CRACR2A: variants seen among roughly 807,000 people sequenced by gnomAD.
CRACR2A encodes the protein calcium release activated channel regulator 2A, also known as EF-hand calcium-binding domain-containing protein 4B.
A neutral mutation model predicts 90.5 loss-of-function variants in CRACR2A; 79 were observed. The ratio of observed to expected loss-of-function variants is 0.87; its 90% CI spans 0.73 to 1.05. The LOEUF (loss-of-function observed/expected upper bound fraction) is 1.05. CRACR2A is among the 50% of genes least tolerant of loss of function. CRACR2A has a pLI of 0.00. For missense variants in CRACR2A, 823 were observed against 897.2 expected, an observed-to-expected ratio of 0.92 and a Z score of 1.06; for synonymous variants, 338 against 356.7, an observed-to-expected ratio of 0.95 and a Z score of 0.59.
chr12:3,648,537 C>T lies in CRACR2A; in HGVS notation c.1118+5G>A, dbSNP rs370367338. 270 of 1,614,098 alleles carry T rather than the reference C, an allele frequency of 1.7e-4. No individual in the cohort carries two copies. The highest frequency in any genetic ancestry group is 2.1e-4 in the Non-Finnish European group (253 of 1,180,044). The stretch of plus-strand genomic sequence containing the variant: ...CTCAGCACAGGCCAGTGCCCACCGA[C>T]GCACCTTAGGAAATCCAGCTGCTTG... On this transcript the variant is annotated splice_donor_5th_base_variant and intron_variant, in intron 11 of 19. Coordinates refer to ENST00000440314, the MANE Select transcript of CRACR2A (RefSeq NM_001144958.2).
chr12:3,666,369 GTGCGCGCGCA>G (rs1565481722), intron 7 of CRACR2A, among the ~76,000 whole-genome samples: 2 of 151,704 alleles, frequency 1.3e-5, no homozygotes, highest in African/African-American at 4.9e-5. Flanking sequence ...GCGTGTGCGC[GTGCGCGCGCA>G]CGCGCGCACA....
intron 17 of CRACR2A, among the ~76,000 whole-genome samples, chr12:3,626,612 G>T (rs917256765): frequency 6.6e-6 from 1 of 152,130 alleles, no homozygotes; most frequent in Non-Finnish European, 1.5e-5. Flanking sequence ...GAACAAATAC[G>T]TGAACAAACC....
chr12:3,693,513 C>A (rs911900254), intron 4 of CRACR2A, among the ~76,000 whole-genome samples: 1 of 152,190 alleles, frequency 6.6e-6, no homozygotes, highest in Non-Finnish European at 1.5e-5. Flanking sequence ...TCAGTGCTAA[C>A]AAATTCCCTC....
intron 19 of CRACR2A, among the ~76,000 whole-genome samples, chr12:3,616,582 C>G (rs902424276): frequency 3.9e-5 from 6 of 152,232 alleles, no homozygotes; most frequent in African/African-American, 1.4e-4. Context: ...CTCCAGCTGG[C>G]TTCCAGCTAG....
At chr12:3,638,096 C>A in intron 14 of CRACR2A, 28 bp downstream of exon 14, 1 of 1,512,114 alleles carries the variant, frequency 6.6e-7, no homozygotes. Context: ...AAGTGATGTG[C>A]ATGAACCAAG....
Position 3,616,936 on chromosome 12 carries a change from G to A in CRACR2A, c.2111+18C>T. 1 of 1,542,312 alleles carries A rather than the reference G, an allele frequency of 6.5e-7. No individual in the cohort carries two copies. Among genetic ancestry groups the A allele is most frequent in the Non-Finnish European group, 8.8e-7 (1 of 1,138,490 alleles). ...CTGGACACAGCAGTTACTGCACCTG[G>A]GGAGCACATCTCTTTACCTGGCCAG... On this transcript the variant is annotated intron_variant, in intron 19 of 19. Coordinates refer to ENST00000440314, the MANE Select transcript of CRACR2A (RefSeq NM_001144958.2).
At chr12:3,691,946 T>C (rs772973733) in intron 4 of CRACR2A, among the ~76,000 whole-genome samples, 40 of 152,376 alleles carry the variant, frequency 2.6e-4, no homozygotes, top group Non-Finnish European at 5.4e-4. Flanking sequence ...CTGCTATTAA[T>C]ACTTGTGATT....
At chr12:3,682,938 A>T (rs1591684240) in intron 4 of CRACR2A, among the ~76,000 whole-genome samples, 1 of 151,976 alleles carries the variant, frequency 6.6e-6, no homozygotes, top group African/African-American at 2.4e-5. Flanking sequence ...GCCCACCACC[A>T]CACCCAGTTA....
chr12:3,705,815 T>C (rs147871811), intron 3 of CRACR2A, among the ~76,000 whole-genome samples: 65 of 152,352 alleles, frequency 4.3e-4, no homozygotes, highest in Middle Eastern at 6.8e-3. Flanking sequence ...ACTTATAGGA[T>C]ACACATTTGG....
At chr12:3,730,072 A>C (rs924467199) in intron 2 of CRACR2A, 5 of 152,228 alleles carry the variant, frequency 3.3e-5, no homozygotes, top group African/African-American at 1.2e-4. Flanking sequence ...CAGGGGCTGC[A>C]ATCTCAAGCA....
At chr12:3,724,749 G>A (rs1319265282) in intron 2 of CRACR2A, among the ~76,000 whole-genome samples, 1 of 152,214 alleles carries the variant, frequency 6.6e-6, no homozygotes, top group Non-Finnish European at 1.5e-5. Flanking sequence ...GGAACTGCTG[G>A]TGTTGGGGAG....
At chr12:3,665,210 A>G (rs1945109364) in intron 7 of CRACR2A, among the ~76,000 whole-genome samples, 1 of 152,246 alleles carries the variant, frequency 6.6e-6, no homozygotes, top group Admixed American at 6.5e-5. Flanking sequence ...GACCAGAGTT[A>G]GCAACAGTCA....
Position 3,648,632 on chromosome 12 carries a change from C to T in CRACR2A, c.1047-19G>A, listed in dbSNP as rs749293414. 1 of 1,604,790 alleles carries T rather than the reference C, an allele frequency of 6.2e-7. No individual in the cohort carries two copies. Among genetic ancestry groups the T allele is most frequent in the Non-Finnish European group, 8.5e-7 (1 of 1,172,988 alleles). On this transcript the variant is annotated intron_variant, in intron 10 of 19. Transcript: ENST00000440314. ...CACTTCCCTGAGGAGGAGGCAAACACATGGCAGTGAGCTCCCAGGTGGAAG... is the reference window on the plus strand; with the variant it reads ...CACTTCCCTGAGGAGGAGGCAAACATATGGCAGTGAGCTCCCAGGTGGAAG...
chr12:3,727,057 A>C (rs1946279950), intron 2 of CRACR2A: 1 of 146,430 alleles, frequency 6.8e-6, no homozygotes, highest in African/African-American at 2.5e-5. Flanking sequence ...CGGGAGGCTA[A>C]GGTGGGAGAA....
chr12:3,647,095 G>A (rs531782909), intron 11 of CRACR2A, among the ~76,000 whole-genome samples: 10 of 152,246 alleles, frequency 6.6e-5, no homozygotes. Context: ...TGTACCCAAT[G>A]TCCTTCGGAT....
rs1161019473 is a variant in CRACR2A, at chr12:3,638,130, C to T, written c.1596G>A (p.Leu532=). The change falls in exon 14 of 20, where the codon CTG becomes CTA. Residue 532 remains leucine (L), a synonymous_variant. Coordinates refer to ENST00000440314, the MANE Select transcript of CRACR2A (RefSeq NM_001144958.2). ...AGGTAGGCTGTGCCCTTACCTTACA[C>T]AGGGCTTCTTTTCCAACAGGCTGCC... is the stretch of plus-strand genomic sequence containing the variant. ...PRGQPVGKEA[L]CKEESSPSAP... is the part of the protein sequence containing the mutation. 2 of 1,543,438 alleles carry T rather than the reference C, an allele frequency of 1.3e-6. No homozygotes were observed. Among genetic ancestry groups the T allele is most frequent in the Non-Finnish European group, 8.8e-7 (1 of 1,140,982 alleles).
intron 8 of CRACR2A, among the ~76,000 whole-genome samples, chr12:3,658,846 G>A (rs1163704607): frequency 2.0e-5 from 3 of 151,372 alleles, no homozygotes; most frequent in African/African-American, 7.3e-5. Flanking sequence ...TTAGTTTTAT[G>A]AACATGTTTC....
At chr12:3,686,674 G>A (rs73245982) in intron 4 of CRACR2A, among the ~76,000 whole-genome samples, 20,637 of 151,888 alleles carry the variant, frequency 0.14, 1,577 homozygotes, top group Admixed American at 0.22. Context: ...TCAGCCCCCC[G>A]TGAAGCTTCT....
At chr12:3,676,023 C>T (rs1039748014) in intron 6 of CRACR2A, among the ~76,000 whole-genome samples, 2 of 152,128 alleles carry the variant, frequency 1.3e-5, no homozygotes, top group Admixed American at 1.3e-4. Flanking sequence ...TCATCCCTCT[C>T]TCCCTCCTTT....
Sources: gnomAD v4.1 joint callset for allele counts (sites outside exome capture counted in the v4.1 genomes callset) on GRCh38, gnomAD v4.1.1 for gene constraint, MANE v1.5 for transcripts, NCBI Gene and HGNC (gene_info 2026-07-23, HGNC 2026-07-21) for gene names.